Variants in MAST4 observed in about 807,000 individuals in gnomAD.
MAST4 encodes the protein microtubule associated serine/threonine kinase family member 4.
Under a neutral mutation model 162.7 loss-of-function variants are expected in MAST4, and 89 were observed. The observed-to-expected ratio is 0.55, with a 90% CI of 0.46 to 0.65. The LOEUF (loss-of-function observed/expected upper bound fraction) is 0.65, where lower values mean the gene tolerates loss of function less well. Ranked by LOEUF, MAST4 falls within the 30% of genes least tolerant of loss-of-function variation. The pLI, the probability that MAST4 is intolerant of heterozygous loss-of-function variation, is 0.00. For synonymous variants in MAST4, 1,479 were observed against 1,361.1 expected (o/e 1.09, Z -1.91); for missense variants, 3,153 against 3,374.0 (o/e 0.93, Z 1.62).
intron 4 of MAST4, among the ~76,000 whole-genome samples, chr5:66,903,440 G>T (rs1164410773): frequency 2.2e-5 from 2 of 91,576 alleles, no homozygotes; most frequent in Non-Finnish European, 4.4e-5. Context: ...ACCTGTGTTT[G>T]TGTGTGTGTG....
chr5:66,723,684 G>T (rs1305803874), intron 1 of MAST4, among the ~76,000 whole-genome samples: 1 of 152,114 alleles, frequency 6.6e-6, no homozygotes, highest in Non-Finnish European at 1.5e-5. Flanking sequence ...GTCTTTGGAG[G>T]TGCTACTTGT....
At position 66,943,827 on chromosome 5, in the gene MAST4, C is replaced by T. The variant is rs74587752; in HGVS notation, c.674+43845C>T. ...CTTGATGAGCATGCCTTTTTTCCCC[C>T]AAAGAATCAAAGTTAGAGCATGATA... On this transcript the variant is annotated intron_variant, in intron 4 of 28. Transcript: ENST00000403625. 1.4e-3 allele frequency among the ~76,000 whole-genome samples: 207 copies of T among 152,000 alleles called. 5 individuals are homozygous for T. The East Asian group carries it at 0.029, about 21-fold the overall frequency.
rs7721401 is a variant in MAST4 at position 66,675,099 on chromosome 5, C to T, written c.363+78081C>T. On this transcript the variant is annotated intron_variant, in intron 1 of 28. Coordinates refer to ENST00000403625, the MANE Select transcript of MAST4 (RefSeq NM_001164664.2). The stretch of plus-strand genomic sequence containing the variant: ...TGCCGTATGCATTCTGAACTGCCCT[C>T]GCCTTCTGTGCCATGCACTCCAAAC... Among the ~76,000 whole-genome samples, 701 of 152,308 alleles carry T rather than the reference C, an allele frequency of 4.6e-3. 4 individuals are homozygous for T. Among genetic ancestry groups the T allele is most frequent in the African/African-American group, 0.016 (658 of 41,562 alleles).
chr5:67,118,577 A>C (rs1767201123), intron 12 of MAST4, 105 bp from the exon 13 acceptor site: 5 of 708,508 alleles, frequency 7.1e-6, no homozygotes, highest in Non-Finnish European at 1.2e-5. Flanking sequence ...AGTATAGAGC[A>C]ATTTTTTTAA....
intron 1 of MAST4, among the ~76,000 whole-genome samples, chr5:66,723,578 G>A (rs111307924): frequency 2.0e-5 from 3 of 152,152 alleles, no homozygotes; most frequent in East Asian, 1.9e-4. Context: ...ATCACATATC[G>A]AGATGAGAAG....
At chr5:66,928,559 T>TA (rs1321023416) in intron 4 of MAST4, among the ~76,000 whole-genome samples, 1 of 152,172 alleles carries the variant, frequency 6.6e-6, no homozygotes, top group Non-Finnish European at 1.5e-5. Flanking sequence ...GGCAAATAAA[T>TA]ACCATCTCTA....
chr5:66,798,751 A>G (rs769296953), intron 3 of MAST4, among the ~76,000 whole-genome samples: 4 of 152,186 alleles, frequency 2.6e-5, no homozygotes, highest in Non-Finnish European at 4.4e-5. Flanking sequence ...AGTACTCTTA[A>G]GTATGAAATA....
At position 67,054,429 on chromosome 5, in the gene MAST4, T is replaced by G; in HGVS notation, c.700T>G (p.Leu234Val). Reference sequence around the variant, plus strand: ...TTGCCGAACAAGCAACCGGAAAAGCTTAATAGGCAATGGGCAGTCACCAGC... The same window carrying G: ...TTGCCGAACAAGCAACCGGAAAAGCGTAATAGGCAATGGGCAGTCACCAGC... ...SFCRTSNRKSLIGNGQSPALP... is the reference protein window; with the variant it reads ...SFCRTSNRKSVIGNGQSPALP... Residue 234 changes from leucine to valine, a missense_variant, in exon 5 of 29, where the codon TTA becomes GTA. Physicochemically the swap from Leu to Val is conservative, Grantham distance 32. Coordinates refer to ENST00000403625, the MANE Select transcript of MAST4 (RefSeq NM_001164664.2). The G allele has an allele frequency of 6.2e-7, 1 of 1,609,594 alleles. No homozygotes were observed. The highest frequency in any genetic ancestry group is 8.5e-7 in the Non-Finnish European group (1 of 1,178,050).
chr5:66,983,529 A>G (rs965829815), intron 4 of MAST4, among the ~76,000 whole-genome samples: 2 of 152,186 alleles, frequency 1.3e-5, no homozygotes, highest in East Asian at 3.9e-4. Context: ...CTATTTGTGT[A>G]GTATCTCTAA....
At chr5:67,112,977 T>C (rs756254400) in intron 11 of MAST4, among the ~76,000 whole-genome samples, 56 of 152,234 alleles carry the variant, frequency 3.7e-4, no homozygotes, top group Non-Finnish European at 6.9e-4. Context: ...AAGCCACTTA[T>C]TACTTTGGAG....
At chr5:66,863,295 CAT>C (rs546895278) in intron 3 of MAST4, among the ~76,000 whole-genome samples, 54 of 152,332 alleles carry the variant, frequency 3.5e-4, no homozygotes, top group African/African-American at 1.2e-3. Context: ...CCATCAGACA[CAT>C]AGGCACGTCC....
chr5:66,865,063 A>T (rs25845), intron 3 of MAST4, among the ~76,000 whole-genome samples: 3 of 152,044 alleles, frequency 2.0e-5, no homozygotes. Context: ...AGGGTGAGAC[A>T]GTAATGTTGA....
chr5:66,730,785 A>T, intron 1 of MAST4, among the ~76,000 whole-genome samples: 1 of 145,740 alleles, frequency 6.9e-6, no homozygotes, highest in African/African-American at 2.7e-5. Context: ...GTGTTTCTGA[A>T]TTCAATTATG....
In MAST4 at chr5:66,596,421, C is replaced by G. The variant is rs1426526049; in HGVS notation, c.-235C>G. 2 of 411,202 alleles carry G rather than the reference C, an allele frequency of 4.9e-6. No individual in the cohort carries two copies. The highest frequency in any genetic ancestry group is 1.1e-4 in the South Asian group (1 of 8,746). The allele number at this position is 411,202 out of a possible 1,614,324, so 25.5% of individuals were successfully genotyped here. On this transcript the variant is annotated 5_prime_UTR_variant, in exon 1 of 29. Coordinates refer to ENST00000403625, the MANE Select transcript of MAST4 (RefSeq NM_001164664.2). ...GTGGAGCGCAGATCGCGGACCCGAGCGGGCATGTCCCCGCGCGCGGGAGCC... is the reference window on the plus strand; with the variant it reads ...GTGGAGCGCAGATCGCGGACCCGAGGGGGCATGTCCCCGCGCGCGGGAGCC...
intron 19 of MAST4, among the ~76,000 whole-genome samples, chr5:67,141,134 A>T (rs554620839): frequency 6.6e-6 from 1 of 152,216 alleles, no homozygotes; most frequent in East Asian, 1.9e-4. Flanking sequence ...TTCTCATCCT[A>T]TTCTTTTTGG....
chr5:66,686,259 T>C (rs1309196322), intron 1 of MAST4, among the ~76,000 whole-genome samples: 1 of 152,200 alleles, frequency 6.6e-6, no homozygotes, highest in Non-Finnish European at 1.5e-5. Flanking sequence ...TAAGATTAAC[T>C]GCATTACACA....
chr5:66,651,193 A>C (rs1240389536), intron 1 of MAST4, among the ~76,000 whole-genome samples: 1 of 151,256 alleles, frequency 6.6e-6, no homozygotes, highest in East Asian at 1.9e-4. Flanking sequence ...TTTTTTTTTG[A>C]AAAAAGTACG....
At chr5:66,882,301 G>A (rs920434397) in intron 3 of MAST4, among the ~76,000 whole-genome samples, 5 of 152,142 alleles carry the variant, frequency 3.3e-5, no homozygotes, top group African/African-American at 4.8e-5. Flanking sequence ...GATGTCCTTG[G>A]ACATTATCTA....
chr5:67,079,921 G>A (rs1762405886), intron 5 of MAST4, among the ~76,000 whole-genome samples: 1 of 152,184 alleles, frequency 6.6e-6, no homozygotes. Flanking sequence ...GTCTGATTCA[G>A]CCTTCTTTCT....
Sources: gnomAD v4.1 joint callset for allele counts (sites outside exome capture counted in the v4.1 genomes callset) on GRCh38, gnomAD v4.1.1 for gene constraint, MANE v1.5 for transcripts, NCBI Gene and HGNC (gene_info 2026-07-23, HGNC 2026-07-21) for gene names.